The following EXOC6B variants were observed in gnomAD, a reference collection of about 807,000 sequenced individuals.
The protein encoded by EXOC6B is exocyst complex component 6B, also known as SEC15 homolog B.
Under a neutral mutation model 113.5 loss-of-function variants are expected in EXOC6B, and 54 were observed. That is an observed-to-expected ratio of 0.48 (90% CI 0.38 to 0.60). The LOEUF is 0.60. Ranked by LOEUF, EXOC6B falls within the 20% of genes least tolerant of loss-of-function variation. EXOC6B has a pLI of 0.00. For missense variants in EXOC6B, 797 were observed against 977.5 expected, an observed-to-expected ratio of 0.82 and a Z score of 2.46; for synonymous variants, 357 against 339.0, an observed-to-expected ratio of 1.05 and a Z score of -0.58.
intron 20 of EXOC6B, among the ~76,000 whole-genome samples, chr2:72,241,305 A>G (rs747743610): frequency 1.3e-5 from 2 of 152,354 alleles, no homozygotes; most frequent in South Asian, 2.1e-4. Flanking sequence ...ACAAATGTCA[A>G]TGGAAACTTC....
chr2:72,638,394 G>T (rs550189703), intron 6 of EXOC6B, among the ~76,000 whole-genome samples: 1 of 152,144 alleles, frequency 6.6e-6, no homozygotes, highest in Non-Finnish European at 1.5e-5. Context: ...CAGGATGGCC[G>T]ACTAGATGCA....
intron 6 of EXOC6B, among the ~76,000 whole-genome samples, chr2:72,623,150 A>G (rs1401705997): frequency 6.6e-6 from 1 of 152,194 alleles, no homozygotes; most frequent in Non-Finnish European, 1.5e-5. Flanking sequence ...TACTTTTCTG[A>G]AAAGTTTATA....
intron 11 of EXOC6B, among the ~76,000 whole-genome samples, chr2:72,504,420 T>G (rs1038650335): frequency 6.6e-6 from 1 of 152,196 alleles, no homozygotes; most frequent in Non-Finnish European, 1.5e-5. Context: ...ATAATTTTCT[T>G]TCTCGCTTCT....
chr2:72,643,977 A>G (rs1573543241), intron 6 of EXOC6B, among the ~76,000 whole-genome samples: 1 of 152,244 alleles, frequency 6.6e-6, no homozygotes, highest in Non-Finnish European at 1.5e-5. Context: ...TAGACTTCAG[A>G]AGGTCGGTAA....
chr2:72,456,252 T>C (rs960437978), intron 18 of EXOC6B, among the ~76,000 whole-genome samples: 1 of 152,148 alleles, frequency 6.6e-6, no homozygotes, highest in Non-Finnish European at 1.5e-5. Flanking sequence ...GAAAGACCAA[T>C]TCAGAATTTC....
Position 72,287,437 on chromosome 2 carries a change from A to T in EXOC6B, c.2196+47510T>A, listed in dbSNP as rs35347150. 5.8e-3 allele frequency among the ~76,000 whole-genome samples: 850 copies of T among 147,290 alleles called. 2 individuals carry two copies. Among genetic ancestry groups the T allele is most frequent in the Non-Finnish European group, 1.0e-2 (674 of 67,682 alleles). On this transcript the variant is annotated intron_variant, in intron 20 of 21. Coordinates refer to ENST00000272427, the MANE Select transcript of EXOC6B (RefSeq NM_015189.3). ...CAGAGTGAGACTTCATCTCAAAAAA[A>T]AAAAAATAAAAATAAAAATAAAAAT...
chr2:72,481,718 A>G (rs1050468702), intron 16 of EXOC6B, among the ~76,000 whole-genome samples: 2 of 152,212 alleles, frequency 1.3e-5, no homozygotes, highest in East Asian at 1.9e-4. Flanking sequence ...TAAAATGTCA[A>G]TAATAATGTC....
At chr2:72,651,995 T>C (rs1674201078) in intron 6 of EXOC6B, among the ~76,000 whole-genome samples, 1 of 152,158 alleles carries the variant, frequency 6.6e-6, no homozygotes, top group African/African-American at 2.4e-5. Context: ...CTGTTAGGGG[T>C]AAGAATTAAA....
intron 20 of EXOC6B, chr2:72,263,436 T>A (rs879232076): frequency 6.6e-6 from 1 of 152,218 alleles, no homozygotes. Context: ...AGCCACATTG[T>A]CCTTCCCCTC....
At chr2:72,366,195 T>C (rs2105003790) in intron 19 of EXOC6B, among the ~76,000 whole-genome samples, 1 of 151,782 alleles carries the variant, frequency 6.6e-6, no homozygotes, top group Middle Eastern at 3.4e-3. Flanking sequence ...GAATGTTCCA[T>C]ATGTTAACAA....
intron 7 of EXOC6B, among the ~76,000 whole-genome samples, chr2:72,574,548 G>C (rs1022377625): frequency 1.5e-4 from 23 of 152,252 alleles, no homozygotes; most frequent in African/African-American, 5.5e-4. Context: ...GACAAGTATG[G>C]GGAAGAAATA....
chr2:72,512,399 G>A (rs991708469), intron 11 of EXOC6B, among the ~76,000 whole-genome samples: 23 of 103,362 alleles, frequency 2.2e-4, no homozygotes, highest in African/African-American at 7.6e-4. Context: ...AAGGAAGGAA[G>A]GAAGGAAGGA....
chr2:72,631,277 T>C (rs2104269777), intron 6 of EXOC6B, among the ~76,000 whole-genome samples: 1 of 151,664 alleles, frequency 6.6e-6, no homozygotes, highest in South Asian at 2.1e-4. Flanking sequence ...TAAAATAATG[T>C]AACATTTAAA....
At chr2:72,205,720 T>G (rs1397795129) in intron 20 of EXOC6B, among the ~76,000 whole-genome samples, 1 of 152,156 alleles carries the variant, frequency 6.6e-6, no homozygotes, top group Non-Finnish European at 1.5e-5. Flanking sequence ...GGAAGGCGGT[T>G]GATGGCTTAG....
At chr2:72,585,501 G>C (rs1407522763) in intron 6 of EXOC6B, among the ~76,000 whole-genome samples, 1 of 151,888 alleles carries the variant, frequency 6.6e-6, no homozygotes, top group Non-Finnish European at 1.5e-5. Context: ...GGAGGCTGAG[G>C]CAGGAGAATC....
In EXOC6B at chr2:72,743,909, A is replaced by G. The variant is rs148091427; in HGVS notation, c.114-2440T>C. ...TCAGCAGTAGCCATAGATGAAAGGA[A>G]TAGTCATGCACTGCATAATAATGTT... On this transcript the variant is annotated intron_variant, in intron 1 of 21. Coordinates refer to ENST00000272427, the MANE Select transcript of EXOC6B (RefSeq NM_015189.3). Among the ~76,000 whole-genome samples, 824 of 152,306 alleles carry G rather than the reference A, an allele frequency of 5.4e-3. 9 individuals carry two copies. The highest frequency in any genetic ancestry group is 0.019 in the African/African-American group (787 of 41,566).
At chr2:72,499,803 T>C (rs945019828) in intron 12 of EXOC6B, 98 bp downstream of exon 12, 3 of 769,772 alleles carry the variant, frequency 3.9e-6, no homozygotes, top group Admixed American at 2.4e-5. Context: ...CAAAGAACTA[T>C]GATTACAGGC....
intron 12 of EXOC6B, among the ~76,000 whole-genome samples, chr2:72,499,176 G>C (rs1026442064): frequency 6.6e-6 from 1 of 150,786 alleles, no homozygotes; most frequent in Non-Finnish European, 1.5e-5. Context: ...TAGTTCCTAG[G>C]AAAATAATAA....
At chr2:72,216,945 G>A (rs1680575217) in intron 20 of EXOC6B, among the ~76,000 whole-genome samples, 1 of 151,570 alleles carries the variant, frequency 6.6e-6, no homozygotes, top group African/African-American at 2.4e-5. Context: ...GGAGGCTGAG[G>A]CAGGAGAATT....
Sources: gnomAD v4.1 joint callset for allele counts (sites outside exome capture counted in the v4.1 genomes callset) on GRCh38, gnomAD v4.1.1 for gene constraint, MANE v1.5 for transcripts, NCBI Gene and HGNC (gene_info 2026-07-23, HGNC 2026-07-21) for gene names.